OSMR: variants seen among roughly 807,000 people sequenced by gnomAD.
The protein encoded by OSMR is oncostatin-M-specific receptor subunit beta.
OSMR carries 81 observed loss-of-function variants against 99.9 expected under a neutral mutation model. The observed-to-expected ratio is 0.81, with a 90% CI of 0.68 to 0.97. The LOEUF (loss-of-function observed/expected upper bound fraction) is 0.97. Among genes scored for constraint, OSMR ranks in the 50% least tolerant of loss-of-function variants. OSMR has a pLI of 0.00. For synonymous variants in OSMR, 406 were observed against 410.4 expected (o/e 0.99, Z 0.13); for missense variants, 1,099 against 1,153.4 (o/e 0.95, Z 0.68).
chr5:38,858,551 G>T (rs62354706), intron 1 of OSMR, among the ~76,000 whole-genome samples: 3,637 of 152,182 alleles, frequency 0.024, 71 homozygotes, highest in Non-Finnish European at 0.037. Flanking sequence ...TTGCTATTGT[G>T]AATAGCGCTG....
intron 1 of OSMR, among the ~76,000 whole-genome samples, chr5:38,866,269 C>T (rs115674709): frequency 6.6e-6 from 1 of 152,248 alleles, no homozygotes; most frequent in African/African-American, 2.4e-5. Context: ...AAGTTGATCC[C>T]TAGGGCCCTG....
intron 7 of OSMR, among the ~76,000 whole-genome samples, chr5:38,890,797 C>A (rs1744107392): frequency 6.6e-6 from 1 of 151,996 alleles, no homozygotes; most frequent in Admixed American, 6.6e-5. Flanking sequence ...TAAAAAAATT[C>A]TATAGTTGTA....
At chr5:38,905,272 C>T (rs388142) in intron 9 of OSMR, among the ~76,000 whole-genome samples, 4,174 of 152,146 alleles carry the variant, frequency 0.027, 113 homozygotes, top group South Asian at 0.084. Context: ...AGGTGGATCA[C>T]GTGGTCAGGA....
intron 1 of OSMR, among the ~76,000 whole-genome samples, chr5:38,859,825 G>GT (rs940540971): frequency 9.9e-5 from 15 of 151,982 alleles, no homozygotes; most frequent in Admixed American, 7.9e-4. Context: ...TTATTTTTAG[G>GT]TTTTTTGGTG....
At chr5:38,863,811 A>G (rs946919332) in intron 1 of OSMR, among the ~76,000 whole-genome samples, 4 of 152,142 alleles carry the variant, frequency 2.6e-5, no homozygotes, top group Non-Finnish European at 5.9e-5. Flanking sequence ...TAGATTTAGT[A>G]ATATTTGCTT....
intron 7 of OSMR, among the ~76,000 whole-genome samples, chr5:38,895,379 C>T (rs774459301): frequency 2.4e-4 from 37 of 152,168 alleles, no homozygotes; most frequent in Non-Finnish European, 4.9e-4. Context: ...TTGTATTTCT[C>T]TGATGATCCA....
At chr5:38,889,425 T>G (rs1038491931) in intron 7 of OSMR, among the ~76,000 whole-genome samples, 1 of 152,170 alleles carries the variant, frequency 6.6e-6, no homozygotes, top group Non-Finnish European at 1.5e-5. Context: ...AATTATCTGT[T>G]GTGTTTTTTT....
rs561465507 is a variant in OSMR at position 38,915,672 on chromosome 5, TA to T, written c.1286-1873del. ...TTGAATTTAATTCAGTTATTTTTAT[TA>T]GGGGCTATGCTAAAATATTCAAGCT... On this transcript the variant is annotated intron_variant, in intron 9 of 17. Transcript: ENST00000274276. Among the ~76,000 whole-genome samples, 21 of 152,324 alleles carry T rather than the reference TA, an allele frequency of 1.4e-4. No individual in the cohort carries two copies. The South Asian group carries it at 4.4e-3, about 32-fold the overall frequency.
chr5:38,867,103 C>A (rs567679962), intron 1 of OSMR, among the ~76,000 whole-genome samples: 1 of 152,290 alleles, frequency 6.6e-6, no homozygotes, highest in South Asian at 2.1e-4. Context: ...AGCCAGCCAT[C>A]TTGAAGTCCC....
chr5:38,890,891 A>G (rs1049760253), intron 7 of OSMR, among the ~76,000 whole-genome samples: 2 of 152,114 alleles, frequency 1.3e-5, no homozygotes, highest in African/African-American at 4.8e-5. Context: ...ACTGTGCACA[A>G]GGAAGAGCCA....
intron 1 of OSMR, chr5:38,940,775 A>T (rs911157269): frequency 4.3e-6 from 1 of 232,182 alleles, no homozygotes. Flanking sequence ...TAAATTTTTT[A>T]AAAAAGTATC....
chr5:38,906,934 T>A (rs1745274875), intron 9 of OSMR, among the ~76,000 whole-genome samples: 1 of 152,250 alleles, frequency 6.6e-6, no homozygotes, highest in Non-Finnish European at 1.5e-5. Context: ...TGTTAAATTT[T>A]GTTAATTTCG....
intron 7 of OSMR, among the ~76,000 whole-genome samples, chr5:38,901,436 C>T (rs1212117800): frequency 6.6e-6 from 1 of 152,118 alleles, no homozygotes; most frequent in Admixed American, 6.5e-5. Flanking sequence ...AATAATCGAG[C>T]TCTGTTGAGC....
At chr5:38,878,635 TCTA>T (rs1743019548) in intron 3 of OSMR, among the ~76,000 whole-genome samples, 1 of 152,198 alleles carries the variant, frequency 6.6e-6, no homozygotes, top group Non-Finnish European at 1.5e-5. Context: ...ATCAGTGACC[TCTA>T]TTAGACTTCT....
intron 15 of OSMR, among the ~76,000 whole-genome samples, chr5:38,931,384 C>G (rs932426758): frequency 1.3e-5 from 2 of 152,178 alleles, no homozygotes; most frequent in Non-Finnish European, 1.5e-5. Context: ...CATCTTCATT[C>G]TAGGGCTAAG....
rs369047343 is a variant in OSMR at position 38,886,061 on chromosome 5, T to G, written c.862T>G (p.Cys288Gly). Residue 288 changes from cysteine to glycine, a missense_variant, in exon 7 of 18, where the codon TGT becomes GGT. Cys to Gly is a radical substitution (Grantham distance 159). Coordinates refer to ENST00000274276, the MANE Select transcript of OSMR (RefSeq NM_003999.3). ...FESFSGEKKLCTHKNWCNWQI... is the reference protein window; with the variant it reads ...FESFSGEKKLGTHKNWCNWQI... ...AAGATTTTCTGGGGAAAAGAAACTT[T>G]GTACACACAAAAACTGGTGTAATTG... is the stretch of plus-strand genomic sequence containing the variant. The G allele has an allele frequency of 6.2e-7, 1 of 1,613,744 alleles. No homozygotes were observed. The highest frequency in any genetic ancestry group is 1.3e-5 in the African/African-American group (1 of 75,044).
At chr5:38,876,130 TTTAA>T (rs1238478049) in intron 2 of OSMR, 67 bp from the exon 3 acceptor site, 1 of 1,581,702 alleles carries the variant, frequency 6.3e-7, no homozygotes, top group Non-Finnish European at 8.6e-7. Flanking sequence ...GATATTCAAG[TTTAA>T]TTATTTCTGA....
chr5:38,882,196 G>C (rs1041452689), intron 4 of OSMR, among the ~76,000 whole-genome samples: 1 of 152,184 alleles, frequency 6.6e-6, no homozygotes, highest in African/African-American at 2.4e-5. Context: ...TCGCTGTTGT[G>C]ACTATTCAAC....
intron 1 of OSMR, chr5:38,942,202 T>C: frequency 1.5e-6 from 1 of 648,074 alleles, no homozygotes; most frequent in Non-Finnish European, 2.7e-6. Context: ...CAGAAGATAC[T>C]CCTGTCTTTG....
Sources: gnomAD v4.1 joint callset for allele counts (sites outside exome capture counted in the v4.1 genomes callset) on GRCh38, gnomAD v4.1.1 for gene constraint, MANE v1.5 for transcripts, NCBI Gene and HGNC (gene_info 2026-07-23, HGNC 2026-07-21) for gene names.